Variants in SLC39A11 observed in about 807,000 individuals in gnomAD.
SLC39A11 encodes the protein zinc transporter ZIP11.
In SLC39A11, 33 loss-of-function variants were observed where a neutral mutation model predicts 36.1. That is an observed-to-expected ratio of 0.91 (90% CI 0.69 to 1.22). SLC39A11 has a LOEUF of 1.22. SLC39A11 is among the 50% of genes most tolerant of loss of function. The pLI is 0.00. For missense variants in SLC39A11, 432 were observed against 430.3 expected (o/e 1.00, Z -0.03); for synonymous variants, 166 against 170.3 (o/e 0.97, Z 0.20).
chr17:72,898,827 C>T (rs768611470), intron 5 of SLC39A11, among the ~76,000 whole-genome samples: 19 of 152,238 alleles, frequency 1.2e-4, no homozygotes, highest in Non-Finnish European at 1.9e-4. Flanking sequence ...CAAGAACCCA[C>T]GTCTCCTGAC....
At chr17:72,849,334 C>T (rs1567818210) in intron 6 of SLC39A11, among the ~76,000 whole-genome samples, 1 of 152,108 alleles carries the variant, frequency 6.6e-6, no homozygotes, top group African/African-American at 2.4e-5. Context: ...TAAAAGATAC[C>T]CTCCACAGCA....
intron 6 of SLC39A11, among the ~76,000 whole-genome samples, chr17:72,837,178 G>C (rs556812751): frequency 1.3e-5 from 2 of 152,186 alleles, no homozygotes; most frequent in East Asian, 3.9e-4. Flanking sequence ...ACCTGCAGCT[G>C]TCCGCAGACT....
chr17:73,005,192 A>C (rs35359306), intron 4 of SLC39A11, among the ~76,000 whole-genome samples: 1 of 152,042 alleles, frequency 6.6e-6, no homozygotes, highest in Non-Finnish European at 1.5e-5. Context: ...TGGCCAGGCT[A>C]GTCTCGAACT....
chr17:72,879,120 A>C (rs967778376), intron 5 of SLC39A11, among the ~76,000 whole-genome samples: 34 of 152,346 alleles, frequency 2.2e-4, no homozygotes, highest in South Asian at 1.0e-3. Flanking sequence ...CTTTCCAGGC[A>C]CACTATCCTC....
chr17:72,890,142 G>A (rs1453534885), intron 5 of SLC39A11, among the ~76,000 whole-genome samples: 2 of 152,052 alleles, frequency 1.3e-5, no homozygotes, highest in African/African-American at 4.8e-5. Flanking sequence ...GCAGGTGCCT[G>A]TAATCCCAGC....
intron 4 of SLC39A11, among the ~76,000 whole-genome samples, chr17:72,959,007 T>A (rs551397120): frequency 2.0e-5 from 3 of 151,424 alleles, no homozygotes; most frequent in Non-Finnish European, 2.9e-5. Context: ...ATAAAAAAAA[T>A]TTTGAAAAGT....
chr17:72,657,047 T>C (rs917201979), intron 7 of SLC39A11, among the ~76,000 whole-genome samples: 1 of 151,820 alleles, frequency 6.6e-6, no homozygotes, highest in Non-Finnish European at 1.5e-5. Context: ...TCAGGCATAT[T>C]TCAAAATCAT....
intron 5 of SLC39A11, among the ~76,000 whole-genome samples, chr17:72,932,410 A>G (rs1457300840): frequency 6.6e-6 from 1 of 151,960 alleles, no homozygotes; most frequent in African/African-American, 2.4e-5. Flanking sequence ...CGTCACCTAC[A>G]TTAGGTATTT....
intron 5 of SLC39A11, among the ~76,000 whole-genome samples, chr17:72,864,309 C>CT (rs36113238): frequency 0.05 from 6,883 of 138,252 alleles, 514 homozygotes; most frequent in African/African-American, 0.16. Flanking sequence ...TAAGCATCGG[C>CT]TTTTTTTTTT....
Position 72,722,298 on chromosome 17 carries a change from A to C in SLC39A11, c.671+14352T>G, listed in dbSNP as rs528239937. On this transcript the variant is annotated intron_variant, in intron 7 of 9. Transcript: ENST00000255559. ...GAAAGACAACAGGGAAGCAAAAGTC[A>C]AGGGAACACATTTTAAAAATACACC... Among the ~76,000 whole-genome samples, 5 of 152,322 alleles carry C rather than the reference A, an allele frequency of 3.3e-5. No homozygotes were observed. The South Asian group carries it at 8.3e-4, about 25-fold the overall frequency.
At chr17:72,826,992 T>C in intron 6 of SLC39A11, among the ~76,000 whole-genome samples, 1 of 152,218 alleles carries the variant, frequency 6.6e-6, no homozygotes, top group Admixed American at 6.5e-5. Flanking sequence ...GCAATTCCAC[T>C]ACTAAGTTTA....
At chr17:72,729,424 TA>T (rs2074081867) in intron 7 of SLC39A11, among the ~76,000 whole-genome samples, 33 of 2,256 alleles carry the variant, frequency 0.015, 1 homozygote, top group African/African-American at 0.043. Flanking sequence ...TATATATATA[TA>T]TATATATATA....
chr17:72,748,060 G>A (rs111408962), intron 6 of SLC39A11, among the ~76,000 whole-genome samples: 13,135 of 152,214 alleles, frequency 0.086, 713 homozygotes, highest in African/African-American at 0.16. Context: ...AGTGGCTCAC[G>A]CCTGTAATCC....
chr17:72,965,920 C>A (rs2086939407), intron 4 of SLC39A11, among the ~76,000 whole-genome samples: 1 of 152,184 alleles, frequency 6.6e-6, no homozygotes, highest in Non-Finnish European at 1.5e-5. Context: ...CTGCTCTATA[C>A]CAAACCATCC....
At chr17:72,794,860 C>T (rs2076841698) in intron 6 of SLC39A11, among the ~76,000 whole-genome samples, 1 of 152,088 alleles carries the variant, frequency 6.6e-6, no homozygotes, top group African/African-American at 2.4e-5. Flanking sequence ...TTGACTATCT[C>T]ACACTGTTTC....
chr17:72,722,323 C>T (rs991652360), intron 7 of SLC39A11, among the ~76,000 whole-genome samples: 11 of 152,064 alleles, frequency 7.2e-5, no homozygotes, highest in Non-Finnish European at 1.2e-4. Flanking sequence ...AAAAATACAC[C>T]GTCCAATTTC....
At chr17:72,654,238 C>T (rs535868702) in intron 7 of SLC39A11, among the ~76,000 whole-genome samples, 2 of 152,160 alleles carry the variant, frequency 1.3e-5, no homozygotes, top group South Asian at 2.1e-4. Context: ...TGATGGGTGC[C>T]GCTTCTGGCA....
intron 3 of SLC39A11, among the ~76,000 whole-genome samples, chr17:73,078,863 T>C (rs2060419244): frequency 6.6e-6 from 1 of 152,094 alleles, no homozygotes; most frequent in African/African-American, 2.4e-5. Flanking sequence ...ATTCCCATCA[T>C]TATCCACTTA....
At chr17:72,814,030 G>C (rs1357963291) in intron 6 of SLC39A11, among the ~76,000 whole-genome samples, 3 of 152,180 alleles carry the variant, frequency 2.0e-5, no homozygotes, top group Non-Finnish European at 4.4e-5. Flanking sequence ...GAGAAAAACT[G>C]TTGACATTAC....
Sources: gnomAD v4.1 joint callset for allele counts (sites outside exome capture counted in the v4.1 genomes callset) on GRCh38, gnomAD v4.1.1 for gene constraint, MANE v1.5 for transcripts, NCBI Gene and HGNC (gene_info 2026-07-23, HGNC 2026-07-21) for gene names.